Variants in CDH4 observed in about 807,000 individuals in gnomAD.
CDH4 encodes the protein cadherin 4.
In CDH4, 33 loss-of-function variants were observed where a neutral mutation model predicts 86.0. The ratio of observed to expected loss-of-function variants is 0.38; its 90% CI spans 0.29 to 0.51. The LOEUF is 0.51. Among genes scored for constraint, CDH4 ranks in the 20% least tolerant of loss-of-function variants. The pLI is 0.86. For missense variants in CDH4, 1,114 were observed against 1,307.4 expected (o/e 0.85, Z 2.28); for synonymous variants, 555 against 549.4 (o/e 1.01, Z -0.14).
chr20:61,258,183 A>C (rs1483788489), intron 2 of CDH4, among the ~76,000 whole-genome samples: 1 of 151,914 alleles, frequency 6.6e-6, no homozygotes, highest in East Asian at 1.9e-4. Context: ...CAAAAAAATT[A>C]GCCGGGCGCG....
intron 2 of CDH4, among the ~76,000 whole-genome samples, chr20:61,618,878 G>A (rs1568716016): frequency 6.6e-6 from 1 of 152,204 alleles, no homozygotes; most frequent in Non-Finnish European, 1.5e-5. Flanking sequence ...TGTTCTTTCT[G>A]TGGCTCTGAA....
chr20:61,403,969 A>G (rs2085064843), intron 2 of CDH4, among the ~76,000 whole-genome samples: 1 of 152,188 alleles, frequency 6.6e-6, no homozygotes, highest in African/African-American at 2.4e-5. Flanking sequence ...GTTATTCTTA[A>G]TTAATTATAT....
rs184978384 is a variant in CDH4 at position 61,698,739 on chromosome 20, C to G, written c.170-44824C>G. Among the ~76,000 whole-genome samples, 263 of 152,332 alleles carry G rather than the reference C, an allele frequency of 1.7e-3. 8 individuals carry two copies. In the East Asian group the frequency reaches 0.042, roughly 25 times the overall value. ...ATCCCTGGTCCCCACCCAGTAGACC[C>G]CCCCGCAGTGTGACAACCAAGGAGA... is the stretch of plus-strand genomic sequence containing the variant. On this transcript the variant is annotated intron_variant, in intron 2 of 15. Transcript: ENST00000614565.
chr20:61,478,672 G>A (rs575602545), intron 2 of CDH4, among the ~76,000 whole-genome samples: 1 of 152,350 alleles, frequency 6.6e-6, no homozygotes, highest in South Asian at 2.1e-4. Flanking sequence ...AGGAGTCGAA[G>A]CCCGGCGTGT....
intron 2 of CDH4, among the ~76,000 whole-genome samples, chr20:61,338,372 T>C (rs2084631203): frequency 6.6e-6 from 1 of 152,202 alleles, no homozygotes; most frequent in South Asian, 2.1e-4. Context: ...GAACATTCTT[T>C]CTTGGCAACA....
rs374767403 is a variant in CDH4, at chr20:61,656,318, T to C, written c.170-87245T>C. Among the ~76,000 whole-genome samples, 2 of 45,998 alleles carry C rather than the reference T, an allele frequency of 4.3e-5. 1 individual carries two copies. The allele number at this position is 45,998 out of a possible 152,430, so 30.2% of individuals were successfully genotyped here. On this transcript the variant is annotated intron_variant, in intron 2 of 15. Coordinates refer to ENST00000614565, the MANE Select transcript of CDH4 (RefSeq NM_001794.5). Reference sequence around the variant, plus strand: ...TGGGGTGGGTAGGCACGTGCTGAAGTGGGCAGGCGCGTGCTGGGGTGGGTA... The same window carrying C: ...TGGGGTGGGTAGGCACGTGCTGAAGCGGGCAGGCGCGTGCTGGGGTGGGTA...
Position 61,377,066 on chromosome 20 carries a change from CA to C in CDH4, c.169+122130del, listed in dbSNP as rs1215513616. On this transcript the variant is annotated intron_variant, in intron 2 of 15. Transcript: ENST00000614565. The surrounding 1 kb of genome is among the most constrained non-coding windows in gnomAD (Gnocchi z 4.0). ...AATATGAACGTGCACCCACCACCAA[CA>C]CGTGAGGGCGGCTGCTGTCCTTCAA... Among the ~76,000 whole-genome samples, 1 of 152,190 alleles carries C rather than the reference CA, an allele frequency of 6.6e-6. No homozygotes were observed. The highest frequency in any genetic ancestry group is 1.5e-5 in the Non-Finnish European group (1 of 68,032).
chr20:61,408,646 C>T (rs372400530), intron 2 of CDH4, among the ~76,000 whole-genome samples: 8 of 152,180 alleles, frequency 5.3e-5, no homozygotes, highest in African/African-American at 1.7e-4. Flanking sequence ...GTGTGGGGTG[C>T]GTGGAGGTGA....
chr20:61,528,744 CT>C, intron 2 of CDH4, among the ~76,000 whole-genome samples: 1 of 152,116 alleles, frequency 6.6e-6, no homozygotes, highest in East Asian at 1.9e-4. Flanking sequence ...GGAAATTGCC[CT>C]AAGATGAAGC....
At chr20:61,808,332 C>G (rs968839787) in intron 4 of CDH4, among the ~76,000 whole-genome samples, 1 of 151,808 alleles carries the variant, frequency 6.6e-6, no homozygotes, top group African/African-American at 2.4e-5. Flanking sequence ...TGTAGCAACA[C>G]CAGCTGCAAA....
intron 9 of CDH4, among the ~76,000 whole-genome samples, chr20:61,922,505 G>A (rs1447313654): frequency 2.0e-5 from 3 of 152,192 alleles, no homozygotes; most frequent in South Asian, 4.1e-4. Flanking sequence ...GGTTCTGTCC[G>A]GGGCTGCGGT....
chr20:61,752,390 CAAT>C (rs1215599831), intron 3 of CDH4, among the ~76,000 whole-genome samples: 1 of 144,924 alleles, frequency 6.9e-6, no homozygotes, highest in African/African-American at 2.5e-5. Flanking sequence ...AAAAATGAGA[CAAT>C]AAGGCAGAGT....
At chr20:61,374,086 T>A (rs2145437458) in intron 2 of CDH4, among the ~76,000 whole-genome samples, 1 of 152,178 alleles carries the variant, frequency 6.6e-6, no homozygotes, top group South Asian at 2.1e-4. Context: ...GACCCCAAGT[T>A]TTTAAACATC....
intron 2 of CDH4, among the ~76,000 whole-genome samples, chr20:61,515,018 A>G (rs765166345): frequency 1.3e-5 from 2 of 152,188 alleles, no homozygotes; most frequent in Non-Finnish European, 2.9e-5. Flanking sequence ...TGAAAACAAG[A>G]CGCCAGCTCT....
chr20:61,632,119 A>G (rs868150477), intron 2 of CDH4, among the ~76,000 whole-genome samples: 3 of 152,244 alleles, frequency 2.0e-5, no homozygotes, highest in Non-Finnish European at 4.4e-5. Flanking sequence ...ACACCGGGGC[A>G]GGCTCTGAGT....
chr20:61,295,778 G>C (rs936555717), intron 2 of CDH4, among the ~76,000 whole-genome samples: 1 of 152,116 alleles, frequency 6.6e-6, no homozygotes, highest in Non-Finnish European at 1.5e-5. Context: ...CCAGCTCCTC[G>C]TGCCCACCAG....
intron 9 of CDH4, 121 bp from the exon 10 acceptor site, chr20:61,923,330 A>G (rs926973593): frequency 1.4e-5 from 14 of 966,336 alleles, no homozygotes; most frequent in Non-Finnish European, 2.3e-5. Context: ...TAAAGAGCAG[A>G]GCAGAGAAGA....
intron 2 of CDH4, among the ~76,000 whole-genome samples, chr20:61,439,913 C>T (rs2085305574): frequency 6.6e-6 from 1 of 152,244 alleles, no homozygotes; most frequent in Non-Finnish European, 1.5e-5. Flanking sequence ...GTACAGACCA[C>T]TCCTAAATTG....
At chr20:61,653,663 TCAGA>T (rs1301023423) in intron 2 of CDH4, among the ~76,000 whole-genome samples, 1 of 68,370 alleles carries the variant, frequency 1.5e-5, no homozygotes, top group South Asian at 4.0e-4. Flanking sequence ...TCCTCACTTC[TCAGA>T]CAGGGCGGCC....
Sources: gnomAD v4.1 joint callset for allele counts (sites outside exome capture counted in the v4.1 genomes callset) on GRCh38, gnomAD v4.1.1 for gene constraint, Gnocchi (gnomAD v3.1) non-coding constraint, MANE v1.5 for transcripts, NCBI Gene and HGNC (gene_info 2026-07-23, HGNC 2026-07-21) for gene names.